Variants in PHGDH observed in about 807,000 individuals in gnomAD.
PHGDH encodes the protein phosphoglycerate dehydrogenase.
Under a neutral mutation model 52.6 loss-of-function variants are expected in PHGDH, and 50 were observed. The observed-to-expected ratio is 0.95, with a 90% CI of 0.76 to 1.20. The LOEUF is 1.20. Ranked by LOEUF, PHGDH falls within the 50% of genes most tolerant of loss-of-function variation. The pLI is 0.00. For synonymous variants in PHGDH, 271 were observed against 280.5 expected (o/e 0.97, Z 0.34); for missense variants, 630 against 684.6 (o/e 0.92, Z 0.89).
intron 10 of PHGDH, chr1:119,742,150 C>A (rs1652237730): frequency 3.7e-6 from 2 of 538,496 alleles, no homozygotes; most frequent in Non-Finnish European, 6.7e-6. Context: ...CATTTCACAG[C>A]CAAAGAAAAT....
intron 8 of PHGDH, among the ~76,000 whole-genome samples, chr1:119,738,514 C>G (rs587605935): frequency 6.6e-6 from 1 of 152,338 alleles, no homozygotes; most frequent in South Asian, 2.1e-4. Context: ...GAGCACACTT[C>G]ACTCATCTTG....
At chr1:119,742,514 C>T (rs1652254335) in intron 10 of PHGDH, 1 of 555,670 alleles carries the variant, frequency 1.8e-6, no homozygotes, top group Admixed American at 3.1e-5. Context: ...AGTGGAGTCT[C>T]CTCACAGCCC....
rs1233132274 is a variant in PHGDH, at chr1:119,726,954, C to A, written c.411+49C>A. On this transcript the variant is annotated intron_variant, in intron 4 of 11. Coordinates refer to ENST00000641023, the MANE Select transcript of PHGDH (RefSeq NM_006623.4). ...CCACCTGGGCTCAGGGCCCGGGGTC[C>A]ACTCATGTTGCTGACTTCAGCTTCT... The A allele has an allele frequency of 3.1e-6, 5 of 1,605,272 alleles. No homozygotes were observed. In the African/African-American group the frequency reaches 4.0e-5, roughly 13 times the overall value.
At chr1:119,725,600 G>A (rs992554367) in intron 3 of PHGDH, among the ~76,000 whole-genome samples, 2 of 152,180 alleles carry the variant, frequency 1.3e-5, no homozygotes, top group East Asian at 1.9e-4. Context: ...CCATAAGATC[G>A]TGCGCCTCTG....
rs138032802 is a variant in PHGDH, at chr1:119,733,519, G to T, written c.511-1115G>T. ...TGGCTAGTTTTTTAAATTTTTTGTA[G>T]GGGGGGGGGTCTGACTATGTTTCTC... On this transcript the variant is annotated intron_variant, in intron 5 of 11. Transcript: ENST00000641023. Among the ~76,000 whole-genome samples the T allele has an allele frequency of 3.3e-3, 30 of 9,204 alleles. No individual in the cohort carries two copies. The African/African-American group carries it at 0.035, about 11-fold the overall frequency. 6.0% of individuals were successfully genotyped at this position (9,204 alleles called of 152,430 possible).
At chr1:119,712,281 T>A (rs1460766216) in intron 1 of PHGDH, 121 bp downstream of exon 1, 76 of 712,912 alleles carry the variant, frequency 1.1e-4, no homozygotes, top group Middle Eastern at 4.1e-4. Flanking sequence ...CGGGGCCTCC[T>A]GAGATTGGGG....
chr1:119,733,837 C>T (rs80192317), intron 5 of PHGDH, among the ~76,000 whole-genome samples: 2,901 of 152,186 alleles, frequency 0.019, 109 homozygotes, highest in African/African-American at 0.067. Flanking sequence ...CATTCTGTCT[C>T]GGGGTTAAGG....
chr1:119,713,292 T>C (rs587703069), intron 1 of PHGDH: 37 of 152,498 alleles, frequency 2.4e-4, no homozygotes, highest in African/African-American at 8.2e-4. Flanking sequence ...GAGGCTGCTG[T>C]TGTTGCTTTA....
chr1:119,721,163 G>T lies in PHGDH; in HGVS notation c.139-7G>T, dbSNP rs1460987400. ...CTTTCTGGACCCAAATGTTTTTTCT[G>T]CTTCAGGACTGTGAAGGCCTTATTG... is the stretch of plus-strand genomic sequence containing the variant. On this transcript the variant is annotated splice_polypyrimidine_tract_variant and splice_region_variant and intron_variant, in intron 1 of 11. Transcript: ENST00000641023. The T allele has an allele frequency of 1.9e-6, 3 of 1,614,040 alleles. No homozygotes were observed. The highest frequency in any genetic ancestry group is 2.2e-5 in the East Asian group (1 of 44,884).
intron 1 of PHGDH, among the ~76,000 whole-genome samples, chr1:119,716,118 T>C (rs1347245395): frequency 2.0e-5 from 3 of 151,938 alleles, no homozygotes; most frequent in African/African-American, 7.3e-5. Flanking sequence ...AATGAGTGGA[T>C]AGAGTGGGTA....
rs777598724 is a variant in PHGDH at position 119,737,172 on chromosome 1, T to C, written c.851T>C (p.Leu284Pro). The change falls in exon 8 of 12, where the codon CTG becomes CCG. Residue 284 changes from leucine to proline, a missense_variant. Physicochemically the swap from Leu to Pro is moderately conservative, Grantham distance 98 (BLOSUM62 -3). Coordinates refer to ENST00000641023, the MANE Select transcript of PHGDH (RefSeq NM_006623.4). The part of the protein sequence containing the change: ...DHENVISCPH[L>P]GASTKEAQSR... ...GAGAATGTCATCAGCTGTCCCCACC[T>C]GGGTGCCAGCACCAAGGAGGCTCAG... is the stretch of plus-strand genomic sequence containing the variant. 3 of 1,613,972 alleles carry C rather than the reference T, an allele frequency of 1.9e-6. No homozygotes were observed. The highest frequency in any genetic ancestry group is 2.5e-6 in the Non-Finnish European group (3 of 1,179,812).
In PHGDH at chr1:119,721,153, T is replaced by A. The variant is rs191621265; in HGVS notation, c.139-17T>A. On this transcript the variant is annotated splice_polypyrimidine_tract_variant and intron_variant, in intron 1 of 11. Coordinates refer to ENST00000641023, the MANE Select transcript of PHGDH (RefSeq NM_006623.4). ...CACAGAATGACTTTCTGGACCCAAA[T>A]GTTTTTTCTGCTTCAGGACTGTGAA... 9 of 1,613,926 alleles carry A rather than the reference T, an allele frequency of 5.6e-6. No homozygotes were observed. In the Admixed American group the frequency reaches 8.3e-5, roughly 15 times the overall value.
chr1:119,737,637 T>C (rs1274552445), intron 8 of PHGDH, among the ~76,000 whole-genome samples: 2 of 152,042 alleles, frequency 1.3e-5, no homozygotes, highest in Admixed American at 6.5e-5. Context: ...GGGGATGTGG[T>C]TGGGGACGGC....
At chr1:119,722,213 C>A (rs1651199769) in intron 2 of PHGDH, among the ~76,000 whole-genome samples, 1 of 152,190 alleles carries the variant, frequency 6.6e-6, no homozygotes. Context: ...CTTGCGCCCC[C>A]ATACAGCCTG....
chr1:119,735,588 A>C, intron 7 of PHGDH, 145 bp downstream of exon 7: 1 of 891,740 alleles, frequency 1.1e-6, no homozygotes, highest in Non-Finnish European at 1.8e-6. Flanking sequence ...CTGTGTTGCC[A>C]AAAACACACC....
At chr1:119,734,589 A>G in intron 5 of PHGDH, 45 bp from the exon 6 acceptor site, 2 of 1,591,448 alleles carry the variant, frequency 1.3e-6, no homozygotes, top group Non-Finnish European at 8.6e-7. Flanking sequence ...AACAATACTA[A>G]TAATTAAGAA....
chr1:119,737,335 G>A, intron 8 of PHGDH, 69 bp downstream of exon 8: 2 of 1,373,158 alleles, frequency 1.5e-6, no homozygotes, highest in Non-Finnish European at 2.1e-6. Flanking sequence ...CATCTTGTAG[G>A]GGCTGGTGGC....
chr1:119,735,331 A>AG lies in PHGDH; in HGVS notation c.685dup (p.Val229GlyfsTer48). 1 of 1,614,212 alleles carries AG rather than the reference A, an allele frequency of 6.2e-7. No homozygotes were observed. Among genetic ancestry groups the AG allele is most frequent in the Non-Finnish European group, 8.5e-7 (1 of 1,180,032 alleles). ...GACAACACCTTTGCCCAGTGCAAGA[A>AG]GGGGGTGCGTGTGGTGAACTGTGCC... On this transcript the variant is annotated frameshift_variant, in exon 7 of 12. Coordinates refer to ENST00000641023, the MANE Select transcript of PHGDH (RefSeq NM_006623.4). LOFTEE classifies it high-confidence loss of function.
chr1:119,735,613 A>C lies in PHGDH; in HGVS notation c.792+170A>C, dbSNP rs141980212. Among the ~76,000 whole-genome samples the C allele has an allele frequency of 1.1e-4, 17 of 152,328 alleles. No individual in the cohort carries two copies. The East Asian group carries it at 3.1e-3, about 28-fold the overall frequency. ...AAAAACACACCTTTGTGGTTTGAGG[A>C]GTCCTTGCGGAGCCTGGTATGGAGG... On this transcript the variant is annotated intron_variant, in intron 7 of 11. Coordinates refer to ENST00000641023, the MANE Select transcript of PHGDH (RefSeq NM_006623.4).
Sources: allele counts gnomAD v4.1 joint callset (sites outside exome capture counted in the v4.1 genomes callset), GRCh38; gene constraint gnomAD v4.1.1; transcripts MANE v1.5; gene names NCBI Gene and HGNC (gene_info 2026-07-23, HGNC 2026-07-21).